The following ATP2A3 variants were observed in gnomAD, a reference collection of about 807,000 sequenced individuals.
ATP2A3 encodes the protein ATPase sarcoplasmic/endoplasmic reticulum Ca2+ transporting 3.
Under a neutral mutation model 106.8 loss-of-function variants are expected in ATP2A3, and 61 were observed. That is an observed-to-expected ratio of 0.57 (90% CI 0.46 to 0.71). The LOEUF is 0.71. Among genes scored for constraint, ATP2A3 ranks in the 30% least tolerant of loss-of-function variants. ATP2A3 has a pLI of 0.00. For missense variants in ATP2A3, 1,201 were observed against 1,423.5 expected (o/e 0.84, Z 2.52); for synonymous variants, 611 against 609.3 (o/e 1.00, Z -0.04).
chr17:3,927,929 T>C, intron 20 of ATP2A3: 1 of 1,609,906 alleles, frequency 6.2e-7, no homozygotes, highest in Non-Finnish European at 8.5e-7. Context: ...TGCACAGCAG[T>C]CCAGCCATAC....
chr17:3,924,798 G>A lies in ATP2A3; in HGVS notation c.*624C>T. The stretch of plus-strand genomic sequence containing the variant: ...GTCTCTCTGACCCTTCACCCGCCCG[G>A]GCCCTGCACATATAAACAGAAGCAG... On this transcript the variant is annotated 3_prime_UTR_variant, in exon 21 of 21. Transcript: ENST00000397041. This position sits in a 1 kb window ranked among gnomAD's most constrained non-coding sequence, Gnocchi z 6.4. 2.2e-6 allele frequency: 1 copy of A among 456,652 alleles called. No individual in the cohort carries two copies. The highest frequency in any genetic ancestry group is 1.5e-5 in the South Asian group (1 of 64,568). 28.3% of individuals were successfully genotyped at this position (456,652 alleles called of 1,614,324 possible).
intron 17 of ATP2A3, among the ~76,000 whole-genome samples, chr17:3,931,670 C>T (rs919103870): frequency 5.3e-5 from 8 of 152,000 alleles, no homozygotes; most frequent in East Asian, 1.9e-4. Context: ...TACAGGCGCC[C>T]GCCACCACGC....
In ATP2A3 at chr17:3,924,647, G is replaced by A. The variant is rs1486408026; in HGVS notation, c.*775C>T. 21 of 366,858 alleles carry A rather than the reference G, an allele frequency of 5.7e-5. No homozygotes were observed. Among genetic ancestry groups the A allele is most frequent in the East Asian group, 4.2e-4 (4 of 9,442 alleles). The allele number at this position is 366,858 out of a possible 1,614,324, so 22.7% of individuals were successfully genotyped here. A position where few individuals can be genotyped will look rare whatever the true frequency, so the allele number is the denominator to read the frequency against. ...GGCAGTGTGACTCTGAACATCTCCC[G>A]AGCTCAGGACGGGGAACCCTGAGTC... On this transcript the variant is annotated 3_prime_UTR_variant, in exon 21 of 21. Transcript: ENST00000397041. The surrounding 1 kb of genome is among the most constrained non-coding windows in gnomAD (Gnocchi z 6.4).
rs574914155 is a variant in ATP2A3 at position 3,953,191 on chromosome 17, G to A, written c.219+156C>T. On this transcript the variant is annotated intron_variant, in intron 3 of 20. Transcript: ENST00000397041. The surrounding 1 kb of genome is among the most constrained non-coding windows in gnomAD (Gnocchi z 5.1). The stretch of plus-strand genomic sequence containing the variant: ...GGCCATGAGGGTTCAGGCAAGGGAA[G>A]CTGAAGTCTGAGCAGGGCAGGGCCA... 4.5e-4 allele frequency: 372 copies of A among 833,112 alleles called. No individual in the cohort carries two copies. Among genetic ancestry groups the A allele is most frequent in the Non-Finnish European group, 6.5e-4 (318 of 492,388 alleles). The allele number at this position is 833,112 out of a possible 1,614,324, so 51.6% of individuals were successfully genotyped here. A position where few individuals can be genotyped will look rare whatever the true frequency, so the allele number is the denominator to read the frequency against.
At chr17:3,934,522 C>CTTTTTTTTTTTTTT (rs111586874) in intron 17 of ATP2A3, among the ~76,000 whole-genome samples, 1 of 123,394 alleles carries the variant, frequency 8.1e-6, no homozygotes, top group Non-Finnish European at 1.7e-5. Flanking sequence ...CCCCTCGATT[C>CTTTTTTTTTTTTTT]TTTTTTTTTT....
chr17:3,928,688 C>G lies in ATP2A3; in HGVS notation c.2955G>C (p.Lys985Asn). 5.8e-6 allele frequency: 9 copies of G among 1,551,366 alleles called. No individual in the cohort carries two copies. Among genetic ancestry groups the G allele is most frequent in the Non-Finnish European group, 7.8e-6 (9 of 1,147,152 alleles). Residue 985 changes from lysine to asparagine, a missense_variant, in exon 20 of 21, where the codon AAG becomes AAC. Lys to Asn is a moderately conservative substitution (Grantham distance 94). Around this residue, in one of 2 missense-constraint regions of ATP2A3, gnomAD observed 935 missense variants for 1,176.7 expected, o/e 0.79. Transcript: ENST00000397041. The surrounding 1 kb of genome is among the most constrained non-coding windows in gnomAD (Gnocchi z 6.1). ...CGTGCATGTGGTTCCGGGACAGGTA[C>G]TTGAGGGCCTCATCCAGCAGGATGA... ...LPVILLDEALKYLSRNHMHEE... is the reference protein window; with the variant it reads ...LPVILLDEALNYLSRNHMHEE...
intron 7 of ATP2A3, among the ~76,000 whole-genome samples, chr17:3,948,295 T>C (rs988046610): frequency 6.6e-6 from 1 of 152,222 alleles, no homozygotes; most frequent in Non-Finnish European, 1.5e-5. Flanking sequence ...AGCTCATCCA[T>C]TTCCAAGGCT....
In ATP2A3 at chr17:3,951,164, C is replaced by T. The variant is rs866997766; in HGVS notation, c.463+87G>A. 3.7e-5 allele frequency: 41 copies of T among 1,122,542 alleles called. No homozygotes were observed. The Middle Eastern group carries it at 1.1e-3, about 29-fold the overall frequency. 69.5% of individuals were successfully genotyped at this position (1,122,542 alleles called of 1,614,324 possible). On this transcript the variant is annotated intron_variant, in intron 5 of 20. Coordinates refer to ENST00000397041, the MANE Select transcript of ATP2A3 (RefSeq NM_005173.4). ...CTCCAGTCTGGGCAACAGAGCACGA[C>T]TCCATCTCAAAAAATAAATAAATAA...
At chr17:3,932,161 C>T (rs1357092570) in intron 17 of ATP2A3, among the ~76,000 whole-genome samples, 1 of 124,478 alleles carries the variant, frequency 8.0e-6, no homozygotes, top group Non-Finnish European at 1.7e-5. Flanking sequence ...TTTTTGTTTT[C>T]GAGACTGAGT....
intron 14 of ATP2A3, among the ~76,000 whole-genome samples, chr17:3,939,097 G>A (rs1378641247): frequency 6.6e-6 from 1 of 152,108 alleles, no homozygotes; most frequent in East Asian, 1.9e-4. Flanking sequence ...AGCCCGAGAG[G>A]ATGAGGCTTC....
At position 3,944,732 on chromosome 17, in the gene ATP2A3, C is replaced by G; in HGVS notation, c.1259G>C (p.Cys420Ser). The G allele has an allele frequency of 6.2e-7, 1 of 1,613,352 alleles. No homozygotes were observed. Among genetic ancestry groups the G allele is most frequent in the Admixed American group, 1.7e-5 (1 of 59,944 alleles). The part of the protein sequence containing the change: ...LVELATICAL[C>S]NDSALDYNEA... ...GTTGTAGTCCAGAGCCGAGTCGTTG[C>G]ACAGGGCGCAGATGGTCGCCAGCTC... The change falls in exon 10 of 21, where the codon TGC becomes TCC. Residue 420 changes from cysteine (C) to serine (S), a missense_variant. By Grantham distance (112) the Cys-to-Ser change is moderately radical. Coordinates refer to ENST00000397041, the MANE Select transcript of ATP2A3 (RefSeq NM_005173.4).
chr17:3,924,959 G>A lies in ATP2A3; in HGVS notation c.*463C>T, dbSNP rs2052624091. 7.3e-6 allele frequency: 3 copies of A among 408,748 alleles called. No individual in the cohort carries two copies. Among genetic ancestry groups the A allele is most frequent in the Non-Finnish European group, 1.5e-5 (3 of 205,658 alleles). 25.3% of individuals were successfully genotyped at this position (408,748 alleles called of 1,614,324 possible). ...GACCCAGTCCCAGACCAGGCACGAA[G>A]AGAGAGGTCAGAGCCGGTAAGAAGG... On this transcript the variant is annotated 3_prime_UTR_variant, in exon 21 of 21. Transcript: ENST00000397041. This position sits in a 1 kb window ranked among gnomAD's most constrained non-coding sequence, Gnocchi z 6.4.
intron 5 of ATP2A3, 122 bp downstream of exon 5, chr17:3,951,129 C>A (rs985476199): frequency 8.0e-6 from 8 of 1,005,302 alleles, no homozygotes; most frequent in Non-Finnish European, 1.3e-6. Flanking sequence ...GCCGAGATTG[C>A]GCCACTGCAC....
At chr17:3,948,496 A>G (rs1364706420) in intron 7 of ATP2A3, among the ~76,000 whole-genome samples, 1 of 152,184 alleles carries the variant, frequency 6.6e-6, no homozygotes, top group Non-Finnish European at 1.5e-5. Context: ...GTCTTAAGCA[A>G]CGTAGCTCCA....
chr17:3,925,559 C>T lies in ATP2A3; in HGVS notation c.2981-118G>A, dbSNP rs2144160368. 7.7e-7 allele frequency: 1 copy of T among 1,304,686 alleles called. No individual in the cohort carries two copies. Among genetic ancestry groups the T allele is most frequent in the Non-Finnish European group, 1.1e-6 (1 of 934,594 alleles). 80.8% of individuals were successfully genotyped at this position (1,304,686 alleles called of 1,614,324 possible). ...CCAGGACAGCCCCAGGCTCCCAAGG[C>T]CTCCCTTAGTCCAGACCTCAGTCTA... is the stretch of plus-strand genomic sequence containing the variant. On this transcript the variant is annotated intron_variant, in intron 20 of 20. Transcript: ENST00000397041. This position sits in a 1 kb window ranked among gnomAD's most constrained non-coding sequence, Gnocchi z 4.2.
chr17:3,943,817 T>C (rs758640), intron 10 of ATP2A3, among the ~76,000 whole-genome samples: 62,754 of 151,876 alleles, frequency 0.41, 13,553 homozygotes, highest in Middle Eastern at 0.57. Context: ...TGGGCCCGCT[T>C]CCACCCTCCC....
At chr17:3,939,954 C>T (rs993181672) in intron 14 of ATP2A3, among the ~76,000 whole-genome samples, 1 of 148,672 alleles carries the variant, frequency 6.7e-6, no homozygotes, top group East Asian at 1.9e-4. Context: ...AAACAGTGAT[C>T]GCCTGTTTTG....
intron 3 of ATP2A3, among the ~76,000 whole-genome samples, chr17:3,952,566 C>G (rs1555564578): frequency 6.6e-6 from 1 of 152,076 alleles, no homozygotes; most frequent in Non-Finnish European, 1.5e-5. Context: ...AGGTGCCCCC[C>G]AGGGGCATTT....
chr17:3,941,025 T>G lies in ATP2A3; in HGVS notation c.2046A>C (p.Ala682=), dbSNP rs1305162549. 6.2e-7 allele frequency: 1 copy of G among 1,613,912 alleles called. No individual in the cohort carries two copies. Among genetic ancestry groups the G allele is most frequent in the Admixed American group, 1.7e-5 (1 of 60,024 alleles). ...TARCFARVEP[A]HKSRIVENLQ... ...GGTTCTCCACGATGCGGGACTTGTG[T>G]GCGGGCTCCACGCGGGCGAAGCAGC... The change falls in exon 14 of 21, where the codon GCA becomes GCC. Residue 682 remains alanine, a synonymous_variant. Transcript: ENST00000397041.
Sources: gnomAD v4.1 joint callset for allele counts (sites outside exome capture counted in the v4.1 genomes callset) on GRCh38, gnomAD v4.1.1 for gene constraint, gnomAD v4.1.1 regional missense constraint, Gnocchi (gnomAD v3.1) non-coding constraint, MANE v1.5 for transcripts, NCBI Gene and HGNC (gene_info 2026-07-23, HGNC 2026-07-21) for gene names.